COL25A1: variants seen among roughly 807,000 people sequenced by gnomAD.
COL25A1 encodes the protein collagen type XXV alpha 1 chain.
COL25A1 carries 103 observed loss-of-function variants against 128.4 expected under a neutral mutation model. That is an observed-to-expected ratio of 0.80 (90% CI 0.68 to 0.94). COL25A1 has a LOEUF of 0.94. Ranked by LOEUF, COL25A1 falls within the 40% of genes least tolerant of loss-of-function variation. The pLI is 0.00. For missense variants in COL25A1, 745 were observed against 840.0 expected (o/e 0.89, Z 1.40); for synonymous variants, 279 against 277.2 (o/e 1.01, Z -0.06).
chr4:108,878,461 G>A (rs571257715), intron 19 of COL25A1, among the ~76,000 whole-genome samples: 1 of 152,130 alleles, frequency 6.6e-6, no homozygotes, highest in South Asian at 2.1e-4. Flanking sequence ...CTTGCTTAAA[G>A]GCTAATTAGA....
At chr4:108,871,511 T>C (rs191544099) in intron 19 of COL25A1, among the ~76,000 whole-genome samples, 1,682 of 152,022 alleles carry the variant, frequency 0.011, 17 homozygotes, top group Non-Finnish European at 0.017. Context: ...AGAGACAGGG[T>C]TTCACCGTGT....
intron 3 of COL25A1, among the ~76,000 whole-genome samples, chr4:109,256,716 A>G (rs562878633): frequency 2.6e-4 from 39 of 152,288 alleles, no homozygotes; most frequent in African/African-American, 8.9e-4. Context: ...CTGACTTGCC[A>G]CTGTCATTAT....
At chr4:109,140,883 A>G (rs1201445596) in intron 3 of COL25A1, among the ~76,000 whole-genome samples, 3 of 152,148 alleles carry the variant, frequency 2.0e-5, no homozygotes, top group Non-Finnish European at 4.4e-5. Flanking sequence ...CTGCAAACAG[A>G]GACAATTTGA....
At chr4:108,898,625 C>T (rs1418708073) in intron 15 of COL25A1, among the ~76,000 whole-genome samples, 2 of 152,144 alleles carry the variant, frequency 1.3e-5, no homozygotes, top group Admixed American at 6.6e-5. Flanking sequence ...GGGCAACCTT[C>T]AGATAATTGC....
At chr4:109,152,232 T>TA (rs1236506676) in intron 3 of COL25A1, among the ~76,000 whole-genome samples, 1 of 152,174 alleles carries the variant, frequency 6.6e-6, no homozygotes, top group Non-Finnish European at 1.5e-5. Flanking sequence ...TTTATTGTGA[T>TA]AAAATATCAA....
At chr4:109,279,871 C>T (rs1000351168) in intron 3 of COL25A1, among the ~76,000 whole-genome samples, 1 of 152,090 alleles carries the variant, frequency 6.6e-6, no homozygotes, top group Non-Finnish European at 1.5e-5. Flanking sequence ...TTTCTGTAGA[C>T]CAAATCAGTT....
At chr4:109,219,666 G>C (rs751265490) in intron 3 of COL25A1, among the ~76,000 whole-genome samples, 7 of 152,014 alleles carry the variant, frequency 4.6e-5, no homozygotes, top group Non-Finnish European at 1.0e-4. Context: ...AAACTTAACA[G>C]GAAATTATAC....
intron 6 of COL25A1, among the ~76,000 whole-genome samples, chr4:108,996,427 C>T (rs533661020): frequency 1.3e-5 from 2 of 152,140 alleles, no homozygotes; most frequent in East Asian, 3.9e-4. Context: ...GCTAACTATC[C>T]TAAACATATA....
At chr4:109,186,676 C>T (rs191965507) in intron 3 of COL25A1, among the ~76,000 whole-genome samples, 180 of 152,248 alleles carry the variant, frequency 1.2e-3, no homozygotes, top group Non-Finnish European at 2.1e-3. Flanking sequence ...AGGATCACTA[C>T]AAAAAGAGAC....
intron 3 of COL25A1, among the ~76,000 whole-genome samples, chr4:109,219,833 T>C (rs1286553624): frequency 6.6e-6 from 1 of 152,192 alleles, no homozygotes; most frequent in African/African-American, 2.4e-5. Flanking sequence ...ATTTAACTTC[T>C]GAAAAATCAA....
chr4:109,000,340 C>T (rs572562019), intron 6 of COL25A1, among the ~76,000 whole-genome samples: 1 of 152,044 alleles, frequency 6.6e-6, no homozygotes, highest in African/African-American at 2.4e-5. Flanking sequence ...ATGAGACTAG[C>T]GTGATTGAGT....
At chr4:109,213,024 G>A (rs1777696713) in intron 3 of COL25A1, among the ~76,000 whole-genome samples, 1 of 152,176 alleles carries the variant, frequency 6.6e-6, no homozygotes, top group Non-Finnish European at 1.5e-5. Context: ...CTGACAGGGT[G>A]TCCTGTTTCT....
intron 3 of COL25A1, among the ~76,000 whole-genome samples, chr4:109,169,181 G>A (rs566322392): frequency 6.6e-6 from 1 of 152,248 alleles, no homozygotes; most frequent in South Asian, 2.1e-4. Flanking sequence ...AGTGTGTCCT[G>A]ACACATGCAA....
At chr4:109,179,245 C>A (rs1774401213) in intron 3 of COL25A1, among the ~76,000 whole-genome samples, 1 of 152,136 alleles carries the variant, frequency 6.6e-6, no homozygotes. Context: ...GAAGCACATC[C>A]ACTATTGAGT....
At chr4:109,256,435 G>A (rs779481451) in intron 3 of COL25A1, among the ~76,000 whole-genome samples, 9 of 152,134 alleles carry the variant, frequency 5.9e-5, no homozygotes, top group East Asian at 1.9e-4. Flanking sequence ...GGCTCCTAAC[G>A]CAGCCATTTC....
chr4:109,101,934 C>T (rs1171039074), intron 3 of COL25A1, among the ~76,000 whole-genome samples: 1 of 152,098 alleles, frequency 6.6e-6, no homozygotes, highest in Non-Finnish European at 1.5e-5. Flanking sequence ...AATAAATAGC[C>T]CACTACACAT....
At chr4:108,823,933 T>C (rs1225256195) in intron 35 of COL25A1, 3 of 1,409,574 alleles carry the variant, frequency 2.1e-6, no homozygotes, top group Non-Finnish European at 2.8e-6. Flanking sequence ...GTTGAAAAAC[T>C]GTAGCTAGAA....
chr4:108,955,876 T>A (rs1385931880), intron 8 of COL25A1, among the ~76,000 whole-genome samples: 1 of 152,162 alleles, frequency 6.6e-6, no homozygotes, highest in East Asian at 1.9e-4. Flanking sequence ...CCACAAATAC[T>A]GGTGTATTAA....
chr4:109,002,099 C>T (rs1233962753), intron 6 of COL25A1, among the ~76,000 whole-genome samples: 1 of 152,178 alleles, frequency 6.6e-6, no homozygotes, highest in Non-Finnish European at 1.5e-5. Context: ...AATCCTCGTA[C>T]ACGGTTGGTA....
Sources: gnomAD v4.1 joint callset for allele counts (sites outside exome capture counted in the v4.1 genomes callset) on GRCh38, gnomAD v4.1.1 for gene constraint, MANE v1.5 for transcripts, NCBI Gene and HGNC (gene_info 2026-07-23, HGNC 2026-07-21) for gene names.